The following GPM6B variants were observed in gnomAD, a reference collection of about 807,000 sequenced individuals.
The protein encoded by GPM6B is glycoprotein M6B.
Under a neutral mutation model 27.2 loss-of-function variants are expected in GPM6B, and 4 were observed. That is an observed-to-expected ratio of 0.15 (90% CI 0.07 to 0.34). GPM6B has a LOEUF of 0.34. GPM6B is among the 10% of genes least tolerant of loss of function. The probability of loss-of-function intolerance (pLI) is 1.00; values close to 1 mark genes in which losing one functional copy is unlikely to be tolerated. For synonymous variants in GPM6B, 124 were observed against 103.1 expected, an observed-to-expected ratio of 1.20 and a Z score of -1.23; for missense variants, 183 against 261.9, an observed-to-expected ratio of 0.70 and a Z score of 2.08.
intron 5 of GPM6B, 86 bp from the exon 6 acceptor site, chrX:13,777,511 C>T (rs1054799357): frequency 3.4e-6 from 2 of 596,137 alleles, no homozygotes; most frequent in Admixed American, 4.8e-5. Context: ...ATGCCAGTTA[C>T]AGTGTAATTG....
chrX:13,899,902 T>C (rs1393121528), intron 1 of GPM6B, among the ~76,000 whole-genome samples: 1 of 112,437 alleles, frequency 8.9e-6, no homozygotes, highest in Non-Finnish European at 1.9e-5. Context: ...CCATTAATCA[T>C]CCTCTCCAGT....
chrX:13,774,059 T>C (rs1348851714), intron 7 of GPM6B: 1 of 744,664 alleles, frequency 1.3e-6, no homozygotes, highest in East Asian at 1.6e-4. Context: ...CATGTGATCA[T>C]AAAAAAATTG....
At chrX:13,793,740 T>G (rs1218554085) in intron 2 of GPM6B, among the ~76,000 whole-genome samples, 2 of 111,773 alleles carry the variant, frequency 1.8e-5, no homozygotes, top group African/African-American at 6.5e-5. Flanking sequence ...AGACCAATTT[T>G]ATCAGAATTT....
intron 1 of GPM6B, among the ~76,000 whole-genome samples, chrX:13,866,331 C>G (rs2049918402): frequency 8.9e-6 from 1 of 112,220 alleles, no homozygotes; most frequent in African/African-American, 3.2e-5. Flanking sequence ...CCATTGCACT[C>G]CAGTCTGGGC....
chrX:13,772,072 C>G lies in GPM6B; in HGVS notation c.*809G>C. The G allele has an allele frequency of 8.9e-6, 1 of 112,085 alleles. No homozygotes were observed. The highest frequency in any genetic ancestry group is 3.7e-4 in the South Asian group (1 of 2,717). 9.2% of individuals were successfully genotyped at this position (112,085 alleles called of 1,213,427 possible). On this transcript the variant is annotated 3_prime_UTR_variant, in exon 8 of 8. Coordinates refer to ENST00000316715, the MANE Select transcript of GPM6B (RefSeq NM_001001995.3). The stretch of plus-strand genomic sequence containing the variant: ...AAAATTCTGTGAAAGATATTTGGGT[C>G]TCTAGTTATGATATAAATTCTTAGA...
intron 1 of GPM6B, among the ~76,000 whole-genome samples, chrX:13,915,420 C>T (rs762213818): frequency 1.6e-4 from 18 of 111,986 alleles, no homozygotes; most frequent in African/African-American, 5.8e-4. Flanking sequence ...CTCTCTCTCT[C>T]TCAGCAGGTC....
intron 2 of GPM6B, among the ~76,000 whole-genome samples, chrX:13,800,029 G>A (rs1488820061): frequency 8.9e-6 from 1 of 111,864 alleles, no homozygotes; most frequent in African/African-American, 3.2e-5. Context: ...AAAGTGATGA[G>A]ATGTCACTTC....
chrX:13,910,595 A>G (rs2050370909), intron 1 of GPM6B, among the ~76,000 whole-genome samples: 1 of 113,122 alleles, frequency 8.8e-6, no homozygotes, highest in East Asian at 2.8e-4. Context: ...ACTTCGTCCT[A>G]CAATCTAAGG....
At chrX:13,837,043 T>C (rs1375394452) in intron 1 of GPM6B, among the ~76,000 whole-genome samples, 1 of 112,267 alleles carries the variant, frequency 8.9e-6, no homozygotes, top group Non-Finnish European at 1.9e-5. Flanking sequence ...TAGCTAACTT[T>C]GCCCCATAAA....
chrX:13,938,431 C>G (rs1216248654), upstream of GPM6B: 5 of 519,666 alleles, frequency 9.6e-6, no homozygotes, highest in Admixed American at 6.0e-5. Context: ...AGGGGCGGGA[C>G]CCTCGGAAGG....
Position 13,919,286 on chromosome X carries a change from T to C in GPM6B, c.-198+19041A>G, listed in dbSNP as rs1453010635. Among the ~76,000 whole-genome samples, 3 of 112,595 alleles carry C rather than the reference T, an allele frequency of 2.7e-5. No individual in the cohort carries two copies. The South Asian group carries it at 1.1e-3, about 41-fold the overall frequency. On this transcript the variant is annotated intron_variant, in intron 1 of 6. Coordinates refer to the GPM6B transcript ENST00000398361. Reference sequence around the variant, plus strand: ...GATTTCTTGCTGTTTCATATTAGGATGAACTCAATTCTGGGAAACCAAGGT... The same window carrying C: ...GATTTCTTGCTGTTTCATATTAGGACGAACTCAATTCTGGGAAACCAAGGT...
At chrX:13,926,174 C>T (rs1195608060) in intron 1 of GPM6B, among the ~76,000 whole-genome samples, 2 of 109,030 alleles carry the variant, frequency 1.8e-5, no homozygotes, top group Non-Finnish European at 3.8e-5. Context: ...GAGGCCGAGG[C>T]AGGCAGAGCA....
intron 1 of GPM6B, among the ~76,000 whole-genome samples, chrX:13,898,051 T>C (rs1175922062): frequency 8.9e-6 from 1 of 112,114 alleles, no homozygotes; most frequent in Non-Finnish European, 1.9e-5. Flanking sequence ...GGCTATCACA[T>C]TGAATTGAAT....
At chrX:13,791,014 C>A (rs1310051577) in intron 2 of GPM6B, among the ~76,000 whole-genome samples, 1 of 111,881 alleles carries the variant, frequency 8.9e-6, no homozygotes, top group Non-Finnish European at 1.9e-5. Flanking sequence ...GAACACCATG[C>A]TGTTAAAAGT....
chrX:13,837,991 A>G (rs1305381081), intron 1 of GPM6B, among the ~76,000 whole-genome samples: 1 of 111,367 alleles, frequency 9.0e-6, no homozygotes, highest in Non-Finnish European at 1.9e-5. Context: ...GGAGCATGAC[A>G]TCACCTTTCT....
At chrX:13,819,310 C>G (rs186007486), upstream of GPM6B, among the ~76,000 whole-genome samples, 19 of 112,131 alleles carry the variant, frequency 1.7e-4, no homozygotes, top group African/African-American at 4.5e-4. Context: ...TATGATAAAC[C>G]ATTTGAAAAA....
At chrX:13,777,531 T>C (rs1224240739) in intron 5 of GPM6B, 106 bp from the exon 6 acceptor site, 2 of 527,235 alleles carry the variant, frequency 3.8e-6, no homozygotes, top group African/African-American at 2.3e-5. Context: ...GTAGGCTATG[T>C]TCTTCATTAA....
intron 1 of GPM6B, among the ~76,000 whole-genome samples, chrX:13,936,657 G>A (rs1014752385): frequency 8.9e-6 from 1 of 112,199 alleles, no homozygotes; most frequent in African/African-American, 3.2e-5. Flanking sequence ...CCAAAACCAA[G>A]GATACTGCCA....
At chrX:13,850,980 T>C (rs758703031) in intron 1 of GPM6B, among the ~76,000 whole-genome samples, 1 of 109,619 alleles carries the variant, frequency 9.1e-6, no homozygotes, top group Non-Finnish European at 1.9e-5. Context: ...CCTGGCCAAC[T>C]GGTGAAACTC....
Sources: allele counts gnomAD v4.1 joint callset (sites outside exome capture counted in the v4.1 genomes callset), GRCh38; gene constraint gnomAD v4.1.1; transcripts MANE v1.5; gene names NCBI Gene and HGNC (gene_info 2026-07-23, HGNC 2026-07-21).